Variants in PDZD2 observed in about 807,000 individuals in gnomAD.
The protein encoded by PDZD2 is PDZ domain containing 2.
A neutral mutation model predicts 220.7 loss-of-function variants in PDZD2; 90 were observed. The observed-to-expected ratio is 0.41, with a 90% CI of 0.34 to 0.49. The LOEUF is 0.49. Among genes scored for constraint, PDZD2 ranks in the 20% least tolerant of loss-of-function variants. The pLI, the probability that PDZD2 is intolerant of heterozygous loss-of-function variation, is 0.28. For missense variants in PDZD2, 3,174 were observed against 3,608.5 expected (o/e 0.88, Z 3.08); for synonymous variants, 1,375 against 1,450.5 (o/e 0.95, Z 1.18).
At chr5:32,064,441 C>T (rs994767487) in intron 14 of PDZD2, among the ~76,000 whole-genome samples, 2 of 151,884 alleles carry the variant, frequency 1.3e-5, no homozygotes, top group African/African-American at 4.8e-5. Context: ...TGGGGTTTCA[C>T]CATGTTGGCT....
chr5:32,003,545 G>A (rs1308748281), intron 5 of PDZD2, among the ~76,000 whole-genome samples: 1 of 147,928 alleles, frequency 6.8e-6, no homozygotes, highest in African/African-American at 2.5e-5. Flanking sequence ...CACACACAGA[G>A]GCATGTGTCT....
At chr5:31,896,323 CGTGTGT>C (rs35229609) in intron 2 of PDZD2, among the ~76,000 whole-genome samples, 5,057 of 136,412 alleles carry the variant, frequency 0.037, 121 homozygotes, top group African/African-American at 0.072. Flanking sequence ...TTGATACTCT[CGTGTGT>C]GTGTGTGTGT....
intron 1 of PDZD2, among the ~76,000 whole-genome samples, chr5:31,675,719 C>T (rs578224497): frequency 9.2e-5 from 14 of 152,148 alleles, no homozygotes; most frequent in African/African-American, 3.1e-4. Flanking sequence ...TATTTTTAGA[C>T]GGGCTCCCAC....
At chr5:31,719,101 G>T (rs990561127) in intron 1 of PDZD2, among the ~76,000 whole-genome samples, 3 of 152,136 alleles carry the variant, frequency 2.0e-5, no homozygotes, top group African/African-American at 7.2e-5. Context: ...TGAATTTGTG[G>T]CAGGGGTCAC....
chr5:31,923,451 C>T (rs960478887), intron 2 of PDZD2: 1 of 1,100,178 alleles, frequency 9.1e-7, no homozygotes, highest in Non-Finnish European at 1.4e-6. Context: ...GGGCTTTATC[C>T]CTCTTGTGAT....
intron 1 of PDZD2, among the ~76,000 whole-genome samples, chr5:31,765,469 T>A (rs554828380): frequency 6.6e-6 from 1 of 152,198 alleles, no homozygotes; most frequent in African/African-American, 2.4e-5. Flanking sequence ...CTAATGAAGA[T>A]AAAAATCAAT....
rs78914744 is a variant in PDZD2, at chr5:31,907,348, T to C, written c.477-75807T>C. Among the ~76,000 whole-genome samples, 1,081 of 152,304 alleles carry C rather than the reference T, an allele frequency of 7.1e-3. 21 individuals are homozygous for C. Among genetic ancestry groups the C allele is most frequent in the African/African-American group, 0.025 (1,046 of 41,564 alleles). On this transcript the variant is annotated intron_variant, in intron 2 of 24. Transcript: ENST00000438447. ...GCAAGGAAGCAAGCTGTCTGGCATC[T>C]CTTCTTATAAGGGTACTAATCCCTT...
In PDZD2 at chr5:32,108,184, A is replaced by G. The variant is rs752564601; in HGVS notation, c.*49A>G. On this transcript the variant is annotated 3_prime_UTR_variant, in exon 25 of 25. Coordinates refer to ENST00000438447, the MANE Select transcript of PDZD2 (RefSeq NM_178140.4). ...AGTTCTCTTCTTTCTTTAGCAAATC[A>G]GAGTGACTTCTTTAAACCACAGGTT... 7.4e-7 allele frequency: 1 copy of G among 1,356,452 alleles called. No individual in the cohort carries two copies. Among genetic ancestry groups the G allele is most frequent in the Non-Finnish European group, 1.0e-6 (1 of 969,702 alleles). 84.0% of individuals were successfully genotyped at this position (1,356,452 alleles called of 1,614,324 possible). A position where few individuals can be genotyped will look rare whatever the true frequency, so the allele number is the denominator to read the frequency against.
rs1016531121 is a variant in PDZD2, at chr5:31,887,204, C to T, written c.476+87480C>T. Reference sequence around the variant, plus strand: ...CGTAGTGGATATTTTTAAGTACACACTTGGTAGGCTCTAGGGGAAAAGCAG... The same window carrying T: ...CGTAGTGGATATTTTTAAGTACACATTTGGTAGGCTCTAGGGGAAAAGCAG... On this transcript the variant is annotated intron_variant, in intron 2 of 24. Coordinates refer to ENST00000438447, the MANE Select transcript of PDZD2 (RefSeq NM_178140.4). 1.2e-4 allele frequency among the ~76,000 whole-genome samples: 18 copies of T among 152,296 alleles called. 1 individual carries two copies. In the South Asian group the frequency reaches 3.5e-3, roughly 30 times the overall value.
At chr5:31,959,634 G>A (rs1748033358) in intron 2 of PDZD2, among the ~76,000 whole-genome samples, 1 of 152,184 alleles carries the variant, frequency 6.6e-6, no homozygotes, top group African/African-American at 2.4e-5. Flanking sequence ...ACGGGCATGA[G>A]CCACTGCACC....
chr5:31,954,437 TTTG>T (rs34274805), intron 2 of PDZD2, among the ~76,000 whole-genome samples: 38,410 of 152,088 alleles, frequency 0.25, 5,519 homozygotes, highest in Middle Eastern at 0.44. Context: ...GCATTGCCAA[TTTG>T]TTGTTGTGGT....
rs1187562574 is a variant in PDZD2 at position 32,090,851 on chromosome 5, C to T, written c.7403C>T (p.Ser2468Leu). Residue 2468 changes from serine (S) to leucine (L), a missense_variant, in exon 20 of 25, where the codon TCG becomes TTG. Ser to Leu is a moderately radical substitution (Grantham distance 145). Around this residue, in one of 4 missense-constraint regions of PDZD2, gnomAD observed 631 missense variants for 789.9 expected, o/e 0.80. Coordinates refer to ENST00000438447, the MANE Select transcript of PDZD2 (RefSeq NM_178140.4). This position sits in a 1 kb window ranked among gnomAD's most constrained non-coding sequence, Gnocchi z 4.3. ...TCTCCTGTTAAGAGGAACAAGTCCT[C>T]GGTACGCCACACGCAGCCCTCGCCC... ...LASPVKRNKSSVRHTQPSPVS... is the reference protein window; with the variant it reads ...LASPVKRNKSLVRHTQPSPVS... 22 of 1,614,082 alleles carry T rather than the reference C, an allele frequency of 1.4e-5. No homozygotes were observed. Among genetic ancestry groups the T allele is most frequent in the South Asian group, 3.3e-5 (3 of 91,080 alleles).
chr5:32,052,376 C>T lies in PDZD2; in HGVS notation c.1666-235C>T, dbSNP rs199860692. ...GGCTAGGCTGGTCTCAAACTCCTGA[C>T]CTCAGGTGACCCACCTGCCTTGGCC... is the stretch of plus-strand genomic sequence containing the variant. On this transcript the variant is annotated intron_variant, in intron 8 of 24. Coordinates refer to ENST00000438447, the MANE Select transcript of PDZD2 (RefSeq NM_178140.4). The T allele has an allele frequency of 2.8e-5, 11 of 399,850 alleles. No individual in the cohort carries two copies. In the East Asian group the frequency reaches 5.5e-4, roughly 20 times the overall value. 24.8% of individuals were successfully genotyped at this position (399,850 alleles called of 1,614,324 possible).
In PDZD2 at chr5:32,090,095, C is replaced by G; in HGVS notation, c.6647C>G (p.Pro2216Arg). 1 of 1,613,840 alleles carries G rather than the reference C, an allele frequency of 6.2e-7. No individual in the cohort carries two copies. Among genetic ancestry groups the G allele is most frequent in the African/African-American group, 1.3e-5 (1 of 75,042 alleles). Residue 2216 changes from proline (P) to arginine (R), a missense_variant, in exon 20 of 25, where the codon CCA becomes CGA. By Grantham distance (103) the Pro-to-Arg change is moderately radical. Around this residue, in one of 4 missense-constraint regions of PDZD2, gnomAD observed 631 missense variants for 789.9 expected, o/e 0.80. Coordinates refer to ENST00000438447, the MANE Select transcript of PDZD2 (RefSeq NM_178140.4). The surrounding 1 kb of genome is among the most constrained non-coding windows in gnomAD (Gnocchi z 4.3). ...GGGGAGGACCATCTCTACTTCACCC[C>G]AAGGCCAGCGACCAGGACCTACTCC... ...PSGEDHLYFT[P>R]RPATRTYSMP... is the part of the protein sequence containing the mutation.
intron 22 of PDZD2, among the ~76,000 whole-genome samples, chr5:32,097,839 T>G (rs1328779062): frequency 6.6e-6 from 1 of 152,178 alleles, no homozygotes; most frequent in African/African-American, 2.4e-5. Context: ...CAGGCCCATG[T>G]CAGACACTAA....
chr5:31,758,246 G>T (rs1751415181), intron 1 of PDZD2, among the ~76,000 whole-genome samples: 1 of 152,184 alleles, frequency 6.6e-6, no homozygotes, highest in Admixed American at 6.5e-5. Flanking sequence ...ACTTAGCAGG[G>T]GCTCAACAAA....
intron 1 of PDZD2, among the ~76,000 whole-genome samples, chr5:31,644,730 G>A (rs574742331): frequency 6.1e-4 from 93 of 152,268 alleles, no homozygotes; most frequent in African/African-American, 2.1e-3. Flanking sequence ...ACCAGAATGC[G>A]TTCTGAGTGA....
chr5:32,065,423 C>T (rs556198282), intron 14 of PDZD2, among the ~76,000 whole-genome samples: 1 of 152,332 alleles, frequency 6.6e-6, no homozygotes, highest in Non-Finnish European at 1.5e-5. Flanking sequence ...TGGACTGGTA[C>T]ACCACTTTAA....
intron 1 of PDZD2, among the ~76,000 whole-genome samples, chr5:31,719,289 T>C (rs1748639472): frequency 6.6e-6 from 1 of 152,172 alleles, no homozygotes; most frequent in Admixed American, 6.5e-5. Flanking sequence ...AATAGGATGC[T>C]GTGTGAAGTG....
Sources: allele counts gnomAD v4.1 joint callset (sites outside exome capture counted in the v4.1 genomes callset), GRCh38; gene constraint gnomAD v4.1.1; regional missense constraint gnomAD v4.1.1; non-coding constraint Gnocchi (gnomAD v3.1); transcripts MANE v1.5; gene names NCBI Gene and HGNC (gene_info 2026-07-23, HGNC 2026-07-21).